The following MYO16 variants were observed in gnomAD, a reference collection of about 807,000 sequenced individuals.
MYO16 encodes unconventional myosin-XVI.
Under a neutral mutation model 205.3 loss-of-function variants are expected in MYO16, and 94 were observed. The ratio of observed to expected loss-of-function variants is 0.46; its 90% CI spans 0.39 to 0.54. The LOEUF (loss-of-function observed/expected upper bound fraction) is 0.54. Among genes scored for constraint, MYO16 ranks in the 20% least tolerant of loss-of-function variants. The pLI is 0.00. For missense variants in MYO16, 2,315 were observed against 2,387.5 expected, an observed-to-expected ratio of 0.97 and a Z score of 0.63; for synonymous variants, 988 against 954.0, an observed-to-expected ratio of 1.04 and a Z score of -0.66.
At chr13:108,604,311 A>G (rs1878873416) in intron 1 of MYO16, among the ~76,000 whole-genome samples, 1 of 152,132 alleles carries the variant, frequency 6.6e-6, no homozygotes, top group African/African-American at 2.4e-5. Context: ...TATTTTGGTG[A>G]AAAAGACATC....
At chr13:109,079,879 C>CTTTTT (rs35912610) in intron 27 of MYO16, among the ~76,000 whole-genome samples, 1 of 138,422 alleles carries the variant, frequency 7.2e-6, no homozygotes, top group Non-Finnish European at 1.5e-5. Flanking sequence ...TTCTTTATTT[C>CTTTTT]TTTTTTTTTT....
intron 1 of MYO16, among the ~76,000 whole-genome samples, chr13:108,642,669 A>C (rs567953673): frequency 2.6e-5 from 4 of 151,950 alleles, no homozygotes; most frequent in Non-Finnish European, 5.9e-5. Context: ...CTGCTCGCCT[A>C]GGCCTCCCAA....
intron 2 of MYO16, among the ~76,000 whole-genome samples, chr13:108,679,374 T>C (rs1430021246): frequency 1.3e-5 from 2 of 152,182 alleles, no homozygotes; most frequent in Non-Finnish European, 2.9e-5. Flanking sequence ...TTATTGTCTA[T>C]CCTCTCCCAG....
chr13:109,142,474 T>C (rs1877144720), intron 32 of MYO16, among the ~76,000 whole-genome samples: 1 of 151,950 alleles, frequency 6.6e-6, no homozygotes, highest in South Asian at 2.1e-4. Context: ...TAGAACTAAA[T>C]TGAAAGGAAA....
Position 109,141,005 on chromosome 13 carries a change from C to A in MYO16, c.4793C>A (p.Pro1598His). Residue 1598 changes from proline to histidine, a missense_variant, in exon 32 of 35, where the codon CCC becomes CAC. Around this residue, in one of 3 missense-constraint regions of MYO16, gnomAD observed 1,097 missense variants for 1,092.0 expected, o/e 1.00. Transcript: ENST00000457511. The surrounding 1 kb of genome is among the most constrained non-coding windows in gnomAD (Gnocchi z 4.1). Reference sequence around the variant, plus strand: ...TCCCCGCCGTCCACGCCGCCCCCGCCCCCGCCCCCGCCCGGGCCGCCCCCC... The same window carrying A: ...TCCCCGCCGTCCACGCCGCCCCCGCACCCGCCCCCGCCCGGGCCGCCCCCC... ...RASPPSTPPP[P>H]PPPPGPPPAP... 1 of 1,322,586 alleles carries A rather than the reference C, an allele frequency of 7.6e-7. No homozygotes were observed. Among genetic ancestry groups the A allele is most frequent in the Non-Finnish European group, 9.6e-7 (1 of 1,038,580 alleles). The allele number at this position is 1,322,586 out of a possible 1,614,324, so 81.9% of individuals were successfully genotyped here.
At chr13:108,666,820 A>G (rs1457251885) in intron 2 of MYO16, among the ~76,000 whole-genome samples, 1 of 152,152 alleles carries the variant, frequency 6.6e-6, no homozygotes, top group East Asian at 1.9e-4. Context: ...CACTTTTTAT[A>G]TACTCTTGTA....
intron 9 of MYO16, among the ~76,000 whole-genome samples, chr13:108,823,521 C>T (rs1473772829): frequency 6.6e-6 from 1 of 152,006 alleles, no homozygotes; most frequent in Non-Finnish European, 1.5e-5. Context: ...GCCATGAGAC[C>T]AAATAATATT....
At chr13:109,103,352 TA>T (rs1251295050) in intron 28 of MYO16, among the ~76,000 whole-genome samples, 1 of 152,222 alleles carries the variant, frequency 6.6e-6, no homozygotes, top group Non-Finnish European at 1.5e-5. Flanking sequence ...ATGGTTATTC[TA>T]TCTGTAGCAT....
rs778825116 is a variant in MYO16, at chr13:109,140,541, G to A, written c.4329G>A (p.Arg1443=). 3 of 1,546,802 alleles carry A rather than the reference G, an allele frequency of 1.9e-6. No homozygotes were observed. In the South Asian group the frequency reaches 3.5e-5, roughly 18 times the overall value. The change falls in exon 32 of 35, where the codon AGG becomes AGA. Residue 1443 remains arginine (R), a synonymous_variant. Transcript: ENST00000457511. This position sits in a 1 kb window ranked among gnomAD's most constrained non-coding sequence, Gnocchi z 8.0. ...VYIEMLGHAA[R]PDSPDPGESV... ...TCGAGATGCTGGGGCACGCGGCCAG[G>A]CCCGATAGCCCGGACCCCGGGGAGT...
rs564560819 is a variant in MYO16 at position 108,847,221 on chromosome 13, T to C, written c.1248+2728T>C. Among the ~76,000 whole-genome samples, 25 of 152,352 alleles carry C rather than the reference T, an allele frequency of 1.6e-4. No individual in the cohort carries two copies. The South Asian group carries it at 5.0e-3, about 30-fold the overall frequency. The stretch of plus-strand genomic sequence containing the variant: ...AGTGTAATCTTCACAGGATAACTTT[T>C]CTGTTTTGATGTAGACTTTTTATAA... On this transcript the variant is annotated intron_variant, in intron 10 of 34. Transcript: ENST00000457511.
intron 4 of MYO16, among the ~76,000 whole-genome samples, chr13:108,746,944 A>G (rs941376783): frequency 1.4e-5 from 2 of 142,822 alleles, no homozygotes; most frequent in African/African-American, 3.1e-5. Context: ...AAGAAAAAAG[A>G]TAAGAATCAC....
intron 15 of MYO16, among the ~76,000 whole-genome samples, chr13:108,899,003 C>A (rs982134096): frequency 6.6e-6 from 1 of 152,032 alleles, no homozygotes; most frequent in African/African-American, 2.4e-5. Context: ...TTAAAGTTAC[C>A]CTATTTTCCC....
At chr13:108,618,297 T>C (rs992072005) in intron 1 of MYO16, among the ~76,000 whole-genome samples, 17 of 152,138 alleles carry the variant, frequency 1.1e-4, no homozygotes, top group African/African-American at 3.4e-4. Flanking sequence ...CAAGATTCTA[T>C]GGAAGAGATG....
chr13:108,780,852 C>T (rs1334803880), intron 4 of MYO16, among the ~76,000 whole-genome samples: 1 of 152,094 alleles, frequency 6.6e-6, no homozygotes, highest in Admixed American at 6.5e-5. Flanking sequence ...GGTAATAAGG[C>T]CGGCTTCTAT....
At chr13:108,986,328 G>A (rs906036511) in intron 20 of MYO16, among the ~76,000 whole-genome samples, 1 of 152,028 alleles carries the variant, frequency 6.6e-6, no homozygotes. Flanking sequence ...TCTCCATAAA[G>A]ACTAAGATGT....
chr13:109,063,305 T>C (rs1887647156), intron 27 of MYO16, among the ~76,000 whole-genome samples: 1 of 152,188 alleles, frequency 6.6e-6, no homozygotes, highest in Non-Finnish European at 1.5e-5. Context: ...TGTTTATTAC[T>C]TGTGTAATAC....
chr13:108,927,848 G>A (rs113315729), intron 16 of MYO16, among the ~76,000 whole-genome samples: 26 of 152,312 alleles, frequency 1.7e-4, no homozygotes, highest in East Asian at 5.8e-4. Context: ...TCTGCACTCC[G>A]GAGTGCCCGA....
the MYO16 span, among the ~76,000 whole-genome samples, chr13:108,562,907 T>C: frequency 1.3e-5 from 2 of 152,120 alleles, no homozygotes; most frequent in Non-Finnish European, 2.9e-5. Context: ...ACGGACTGTG[T>C]TTGTGATATC....
chr13:109,125,005 C>T lies in MYO16; in HGVS notation c.3536-107C>T, dbSNP rs536008681. 2 of 1,219,908 alleles carry T rather than the reference C, an allele frequency of 1.6e-6. No individual in the cohort carries two copies. The highest frequency in any genetic ancestry group is 3.0e-5 in the South Asian group (2 of 65,616). The allele number at this position is 1,219,908 out of a possible 1,614,324, so 75.6% of individuals were successfully genotyped here. ...AAAGTCTTATTCTGGGTTAAATGTA[C>T]CTTATTCTACAACTGCTCAGAGATA... On this transcript the variant is annotated intron_variant, in intron 29 of 34. Transcript: ENST00000457511. The surrounding 1 kb of genome is among the most constrained non-coding windows in gnomAD (Gnocchi z 4.0).
Sources: allele counts gnomAD v4.1 joint callset (sites outside exome capture counted in the v4.1 genomes callset), GRCh38; gene constraint gnomAD v4.1.1; regional missense constraint gnomAD v4.1.1; non-coding constraint Gnocchi (gnomAD v3.1); transcripts MANE v1.5; gene names NCBI Gene and HGNC (gene_info 2026-07-23, HGNC 2026-07-21).